The following TSC22D3 variants were observed in gnomAD, a reference collection of about 807,000 sequenced individuals.
TSC22D3 encodes the protein TSC22 domain family protein 3.
TSC22D3 carries 4 observed loss-of-function variants against 11.1 expected under a neutral mutation model. The observed-to-expected ratio is 0.36, with a 90% confidence interval of 0.18 to 0.83. TSC22D3 has a LOEUF of 0.83. Ranked by LOEUF, TSC22D3 falls within the 40% of genes least tolerant of loss-of-function variation. TSC22D3 has a pLI of 0.48. For synonymous variants in TSC22D3, 77 were observed against 70.3 expected (o/e 1.10, Z -0.48); for missense variants, 118 against 159.4 (o/e 0.74, Z 1.40).
intron 1 of TSC22D3, among the ~76,000 whole-genome samples, chrX:107,769,958 G>A (rs1480275836): frequency 8.9e-6 from 1 of 112,364 alleles, no homozygotes; most frequent in Non-Finnish European, 1.9e-5. Context: ...ATCCAAGAAT[G>A]CCTATTCTTT....
chrX:107,733,333 T>A (rs1927975365), intron 1 of TSC22D3, among the ~76,000 whole-genome samples: 1 of 111,902 alleles, frequency 8.9e-6, no homozygotes, highest in African/African-American at 3.3e-5. Context: ...TGGACAAATA[T>A]TAGGGATTAT....
At chrX:107,774,514 A>G (rs986948803) in intron 1 of TSC22D3, among the ~76,000 whole-genome samples, 1 of 111,595 alleles carries the variant, frequency 9.0e-6, no homozygotes, top group Non-Finnish European at 1.9e-5. Flanking sequence ...GCTGTGATCC[A>G]TGGAGGAGGC....
At chrX:107,727,905 C>A (rs978143149) in intron 1 of TSC22D3, among the ~76,000 whole-genome samples, 1 of 112,106 alleles carries the variant, frequency 8.9e-6, no homozygotes, top group African/African-American at 3.2e-5. Context: ...CGTTTTGACC[C>A]GAAGAACCAC....
chrX:107,749,345 A>G (rs1301233701), intron 1 of TSC22D3, among the ~76,000 whole-genome samples: 3 of 111,109 alleles, frequency 2.7e-5, no homozygotes, highest in Non-Finnish European at 5.7e-5. Flanking sequence ...ATTGCACTCC[A>G]GCCTGGGTGA....
At chrX:107,752,437 A>T (rs1928973389) in intron 1 of TSC22D3, among the ~76,000 whole-genome samples, 1 of 111,936 alleles carries the variant, frequency 8.9e-6, no homozygotes, top group East Asian at 2.8e-4. Flanking sequence ...GCCTGGCATG[A>T]CCCATCCCTT....
At chrX:107,716,544 G>T (rs1238120661) in intron 1 of TSC22D3, 2 of 835,144 alleles carry the variant, frequency 2.4e-6, no homozygotes, top group Non-Finnish European at 1.4e-6. Flanking sequence ...CCCTTCCTGC[G>T]TCCCCTCCCC....
rs530881907 is a variant in TSC22D3, at chrX:107,770,571, G to C, written c.320+4529C>G. On this transcript the variant is annotated intron_variant, in intron 1 of 2. Coordinates refer to ENST00000372383, the MANE Select transcript of TSC22D3 (RefSeq NM_198057.3). ...ATATATGGGAACCAGTTGGGGCCAG[G>C]TCAGAAGCTTAAAGGTAGAATCCTA... Among the ~76,000 whole-genome samples, 643 of 111,779 alleles carry C rather than the reference G, an allele frequency of 5.8e-3. 1 individual carries two copies. Among genetic ancestry groups the C allele is most frequent in the Middle Eastern group, 9.2e-3 (2 of 217 alleles).
intron 1 of TSC22D3, among the ~76,000 whole-genome samples, chrX:107,770,327 C>A (rs1266830858): frequency 9.0e-6 from 1 of 111,529 alleles, no homozygotes; most frequent in East Asian, 2.8e-4. Flanking sequence ...GTGGCCACCA[C>A]CTCAGAAGCC....
rs1014329843 is a variant in TSC22D3 at position 107,713,255 on chromosome X, A to C, written c.*1264T>G. Reference sequence around the variant, plus strand: ...AGAAAAACAGAGCAAAGTTTATTGAAATTTCAAGCTACATTTGGAAAATCA... The same window carrying C: ...AGAAAAACAGAGCAAAGTTTATTGACATTTCAAGCTACATTTGGAAAATCA... On this transcript the variant is annotated 3_prime_UTR_variant, in exon 3 of 3. Transcript: ENST00000372383. 2 of 111,660 alleles carry C rather than the reference A, an allele frequency of 1.8e-5. No individual in the cohort carries two copies. The highest frequency in any genetic ancestry group is 6.5e-5 in the African/African-American group (2 of 30,632). 9.2% of individuals were successfully genotyped at this position (111,660 alleles called of 1,213,427 possible).
At chrX:107,747,375 T>C (rs1189427113) in intron 1 of TSC22D3, among the ~76,000 whole-genome samples, 2 of 112,291 alleles carry the variant, frequency 1.8e-5, no homozygotes, top group Non-Finnish European at 3.8e-5. Context: ...TGGGGAAGCT[T>C]AGAAAGAGAA....
intron 1 of TSC22D3, chrX:107,717,022 G>A: frequency 9.9e-7 from 1 of 1,013,182 alleles, no homozygotes; most frequent in Non-Finnish European, 1.3e-6. Context: ...GTGTCACCTC[G>A]TATGTCACAA....
intron 1 of TSC22D3, among the ~76,000 whole-genome samples, chrX:107,745,732 C>A (rs775077257): frequency 8.9e-6 from 1 of 112,373 alleles, no homozygotes; most frequent in African/African-American, 3.2e-5. Context: ...TTAACCAAGT[C>A]ATTAATTAGG....
chrX:107,716,934 G>A (rs1368593101), intron 1 of TSC22D3: 1 of 1,114,148 alleles, frequency 9.0e-7, no homozygotes, highest in African/African-American at 1.9e-5. Context: ...CTGAGGCTAG[G>A]AGCGGGGCGA....
Position 107,713,440 on chromosome X carries a change from C to T in TSC22D3, c.*1079G>A. On this transcript the variant is annotated 3_prime_UTR_variant, in exon 3 of 3. Coordinates refer to ENST00000372383, the MANE Select transcript of TSC22D3 (RefSeq NM_198057.3). ...TCATCCCTCATCCACAGTAGGACAC[C>T]ATCCTTCTGTTCACTTGAAAGTTTT... 8.9e-6 allele frequency: 1 copy of T among 112,296 alleles called. No homozygotes were observed. Among genetic ancestry groups the T allele is most frequent in the Non-Finnish European group, 1.9e-5 (1 of 53,179 alleles). The allele number at this position is 112,296 out of a possible 1,213,427, so 9.3% of individuals were successfully genotyped here. A position where few individuals can be genotyped will look rare whatever the true frequency, so the allele number is the denominator to read the frequency against.
At chrX:107,752,788 G>A (rs988876427) in intron 1 of TSC22D3, among the ~76,000 whole-genome samples, 1 of 111,878 alleles carries the variant, frequency 8.9e-6, no homozygotes, top group Admixed American at 9.5e-5. Context: ...GGTTGCCAAG[G>A]GAGCTGGTCC....
chrX:107,739,153 C>T (rs1218662694), intron 1 of TSC22D3, among the ~76,000 whole-genome samples: 16 of 113,084 alleles, frequency 1.4e-4, no homozygotes, highest in Admixed American at 1.0e-3. Context: ...TCGGAAGTGC[C>T]CTTCCAAGGG....
At chrX:107,740,726 C>T (rs911866820) in intron 1 of TSC22D3, among the ~76,000 whole-genome samples, 15 of 110,719 alleles carry the variant, frequency 1.4e-4, no homozygotes, top group African/African-American at 4.3e-4. Flanking sequence ...AGTTTGTGGC[C>T]TTGTCCCTCT....
chrX:107,716,567 C>T, intron 1 of TSC22D3: 1 of 893,815 alleles, frequency 1.1e-6, no homozygotes, highest in Non-Finnish European at 1.4e-6. Context: ...CGCCCCTTCC[C>T]AGGATGCTGC....
chrX:107,716,383 C>T (rs1927029825), intron 1 of TSC22D3: 4 of 918,809 alleles, frequency 4.4e-6, no homozygotes, highest in African/African-American at 2.1e-5. Flanking sequence ...AAGCGGCGCA[C>T]GGCGCTCGGC....
Sources: gnomAD v4.1 joint callset for allele counts (sites outside exome capture counted in the v4.1 genomes callset) on GRCh38, gnomAD v4.1.1 for gene constraint, MANE v1.5 for transcripts, NCBI Gene and HGNC (gene_info 2026-07-23, HGNC 2026-07-21) for gene names.